Variants in ZNF658 observed in about 807,000 individuals in gnomAD.
ZNF658 encodes zinc finger protein 658.
A neutral mutation model predicts 78.0 loss-of-function variants in ZNF658; 46 were observed. The observed-to-expected ratio is 0.59, with a 90% CI of 0.47 to 0.75. The LOEUF (loss-of-function observed/expected upper bound fraction) is 0.75. Among genes scored for constraint, ZNF658 ranks in the 30% least tolerant of loss-of-function variants. The probability of loss-of-function intolerance (pLI) is 0.00; values close to 1 mark genes in which losing one functional copy is unlikely to be tolerated. For missense variants in ZNF658, 785 were observed against 1,189.3 expected (o/e 0.66, Z 5.00); for synonymous variants, 279 against 408.4 (o/e 0.68, Z 3.82).
rs775202928 is a variant in ZNF658, at chr9:66,908,288, G to A, written c.66G>A (p.Trp22Ter). Reference sequence around the variant, plus strand: ...CTGTGGAATTCACCCGGGAGGAGTGGCAGCACCTGGGCCCTGTCGAGAGGA... The same window carrying A: ...CTGTGGAATTCACCCGGGAGGAGTGACAGCACCTGGGCCCTGTCGAGAGGA... ...DVTVEFTREEWQHLGPVERTL... is the reference protein window; with the variant it reads ...DVTVEFTREE The change falls in exon 3 of 5, where the codon TGG becomes TGA. Residue 22 changes from tryptophan (W) to a stop codon, truncating the protein, a stop_gained. Transcript: ENST00000621410. LOFTEE classifies it high-confidence loss of function. 4.3e-6 allele frequency: 7 copies of A among 1,613,970 alleles called. No homozygotes were observed. In the East Asian group the frequency reaches 6.7e-5, roughly 15 times the overall value.
At chr9:66,921,659 T>C (rs1055726172), downstream of ZNF658, among the ~76,000 whole-genome samples, 26 of 152,250 alleles carry the variant, frequency 1.7e-4, 1 homozygote, top group Non-Finnish European at 3.5e-4. Context: ...AAGTTTGTTA[T>C]TGCTAATCGA....
chr9:66,910,512 A>T (rs2118011401), intron 4 of ZNF658, among the ~76,000 whole-genome samples: 1 of 151,940 alleles, frequency 6.6e-6, no homozygotes, highest in African/African-American at 2.4e-5. Context: ...TCATTATAAA[A>T]GATCAGTAAA....
intron 2 of ZNF658, among the ~76,000 whole-genome samples, chr9:66,907,744 C>A (rs1256975726): frequency 6.6e-6 from 1 of 152,208 alleles, no homozygotes; most frequent in Non-Finnish European, 1.5e-5. Context: ...ATTCTTACAT[C>A]CATTGCTGTG....
chr9:66,910,646 A>C (rs1358363149), intron 4 of ZNF658, among the ~76,000 whole-genome samples: 1 of 152,010 alleles, frequency 6.6e-6, no homozygotes, highest in Admixed American at 6.6e-5. Flanking sequence ...GTCTCTACTA[A>C]AAATACAGAA....
At chr9:66,924,231 T>G, downstream of ZNF658, 1 of 415,366 alleles carries the variant, frequency 2.4e-6, no homozygotes, top group Non-Finnish European at 4.7e-6. Flanking sequence ...GGGCTTGCTG[T>G]CTGTCATGTT....
chr9:66,925,807 T>A (rs1238220065), downstream of ZNF658, among the ~76,000 whole-genome samples: 1 of 151,688 alleles, frequency 6.6e-6, no homozygotes, highest in Non-Finnish European at 1.5e-5. Flanking sequence ...TACAGGTCTA[T>A]GTCCCTGATT....
rs753124343 is a variant in ZNF658 at position 66,908,711 on chromosome 9, A to C, written c.215A>C (p.Glu72Ala). ...KGEEPWSLED[E>A]FLNQRYPGYF... Reference sequence around the variant, plus strand: ...GAAGAGCCATGGTCTTTAGAAGATGAATTCCTGAACCAGAGGTACCCAGGT... The same window carrying C: ...GAAGAGCCATGGTCTTTAGAAGATGCATTCCTGAACCAGAGGTACCCAGGT... Residue 72 changes from glutamate to alanine, a missense_variant, in exon 4 of 5, where the codon GAA becomes GCA. Coordinates refer to ENST00000621410, the MANE Select transcript of ZNF658 (RefSeq NM_033160.7). 9 of 1,610,154 alleles carry C rather than the reference A, an allele frequency of 5.6e-6. No homozygotes were observed. Among genetic ancestry groups the C allele is most frequent in the Non-Finnish European group, 6.8e-6 (8 of 1,178,456 alleles).
rs560127227 is a variant in ZNF658, at chr9:66,910,203, C to T, written c.238+1469C>T. Among the ~76,000 whole-genome samples, 7 of 152,210 alleles carry T rather than the reference C, an allele frequency of 4.6e-5. No individual in the cohort carries two copies. In the South Asian group the frequency reaches 1.0e-3, roughly 23 times the overall value. On this transcript the variant is annotated intron_variant, in intron 4 of 4. Coordinates refer to ENST00000621410, the MANE Select transcript of ZNF658 (RefSeq NM_033160.7). ...ACACAAATAAGTCTATAACAATTTC[C>T]CTGGTCACCAATGATATCAGGCATC...
At chr9:66,931,826 G>A (rs1336862362) in intron 6 of ZNF658, among the ~76,000 whole-genome samples, 25 of 142,420 alleles carry the variant, frequency 1.8e-4, no homozygotes, top group Admixed American at 1.7e-3. Flanking sequence ...CAACATATCT[G>A]TGACATAGTC....
intron 4 of ZNF658, among the ~76,000 whole-genome samples, chr9:66,909,218 A>C (rs1008475656): frequency 6.6e-6 from 1 of 152,100 alleles, no homozygotes; most frequent in Non-Finnish European, 1.5e-5. Flanking sequence ...TCATCACCTC[A>C]AACATACCTG....
chr9:66,908,182 A>T, intron 2 of ZNF658, 56 bp from the exon 3 acceptor site: 1 of 1,612,948 alleles, frequency 6.2e-7, no homozygotes, highest in South Asian at 1.1e-5. Context: ...GTGTCACCCA[A>T]TTCTGAACCC....
intron 6 of ZNF658, among the ~76,000 whole-genome samples, chr9:66,929,359 T>C (rs1195806847): frequency 7.3e-6 from 1 of 137,408 alleles, no homozygotes; most frequent in Non-Finnish European, 1.6e-5. Flanking sequence ...TCCTAGGCAT[T>C]ACCTGTGCTA....
chr9:66,909,664 T>A (rs1282413949), intron 4 of ZNF658, among the ~76,000 whole-genome samples: 2 of 152,198 alleles, frequency 1.3e-5, no homozygotes, highest in Non-Finnish European at 2.9e-5. Flanking sequence ...AAATGCAGCA[T>A]TTTTCCGTTC....
downstream of ZNF658, among the ~76,000 whole-genome samples, chr9:66,923,817 C>T (rs1381619363): frequency 6.9e-6 from 1 of 144,254 alleles, no homozygotes; most frequent in Non-Finnish European, 1.5e-5. Flanking sequence ...GTAGATTTTC[C>T]CACAAGAGAC....
At position 66,918,266 on chromosome 9, in the gene ZNF658, C is replaced by G. The variant is rs771442277; in HGVS notation, c.700C>G (p.Gln234Glu). 1.2e-5 allele frequency: 19 copies of G among 1,613,058 alleles called. No homozygotes were observed. In the East Asian group the frequency reaches 3.8e-4, roughly 32 times the overall value. The change falls in exon 5 of 5, where the codon CAG (glutamine) becomes GAG (glutamate). Residue 234 changes from glutamine to glutamate, a missense_variant. Gln to Glu is a conservative substitution (Grantham distance 29). Transcript: ENST00000621410. Reference protein sequence around the residue: ...LYDKTICITPQSFLTGEKSCK... With the variant: ...LYDKTICITPESFLTGEKSCK... ...TGATAAGACAATTTGTATTACACCT[C>G]AGAGTTTTCTAACAGGAGAAAAGTC...
chr9:66,931,670 A>G (rs1049227408), intron 6 of ZNF658, among the ~76,000 whole-genome samples: 33 of 143,716 alleles, frequency 2.3e-4, no homozygotes, highest in African/African-American at 8.6e-4. Context: ...TTTAAAAAGT[A>G]CATGTGTCAA....
intron 4 of ZNF658, among the ~76,000 whole-genome samples, chr9:66,910,429 G>C (rs1221193554): frequency 6.6e-6 from 1 of 151,594 alleles, no homozygotes; most frequent in African/African-American, 2.4e-5. Flanking sequence ...ATGTTGCTGA[G>C]TCACTAAATG....
Position 66,918,607 on chromosome 9 carries a change from A to T in ZNF658, c.1041A>T (p.Gln347His), listed in dbSNP as rs1366725206. 6.2e-7 allele frequency: 1 copy of T among 1,610,540 alleles called. No individual in the cohort carries two copies. Among genetic ancestry groups the T allele is most frequent in the African/African-American group, 1.3e-5 (1 of 74,820 alleles). The change falls in exon 5 of 5, where the codon CAA becomes CAT. Residue 347 changes from glutamine (Q) to histidine (H), a missense_variant. Coordinates refer to ENST00000621410, the MANE Select transcript of ZNF658 (RefSeq NM_033160.7). Reference sequence around the variant, plus strand: ...CCCATATAGTACATCAGAAAACACAAGCTGGAGATAAATTTGGTGAACATA... The same window carrying T: ...CCCATATAGTACATCAGAAAACACATGCTGGAGATAAATTTGGTGAACATA... ...SSAHIVHQKTQAGDKFGEHNE... is the reference protein window; with the variant it reads ...SSAHIVHQKTHAGDKFGEHNE...
chr9:66,908,651 C>T lies in ZNF658; in HGVS notation c.155C>T (p.Thr52Ile), dbSNP rs372746424. 28 of 1,515,144 alleles carry T rather than the reference C, an allele frequency of 1.8e-5. No individual in the cohort carries two copies. Among genetic ancestry groups the T allele is most frequent in the African/African-American group, 2.8e-5 (2 of 71,050 alleles). 93.9% of individuals were successfully genotyped at this position (1,515,144 alleles called of 1,614,324 possible). A position where few individuals can be genotyped will look rare whatever the true frequency, so the allele number is the denominator to read the frequency against. The change falls in exon 4 of 5, where the codon ACT (threonine) becomes ATT (isoleucine). Residue 52 changes from threonine to isoleucine, a missense_variant. Thr to Ile is a moderately conservative substitution (Grantham distance 89). Transcript: ENST00000621410. ...SHLISVGYCITKPKVISKLEK... is the reference protein window; with the variant it reads ...SHLISVGYCIIKPKVISKLEK... ...ATTTTGTTTACAGGATATTGCATTA[C>T]TAAACCTAAGGTGATCTCCAAGTTG...
Sources: gnomAD v4.1 joint callset for allele counts (sites outside exome capture counted in the v4.1 genomes callset) on GRCh38, gnomAD v4.1.1 for gene constraint, MANE v1.5 for transcripts, NCBI Gene and HGNC (gene_info 2026-07-23, HGNC 2026-07-21) for gene names.